Variants in MRPS35 observed in about 807,000 individuals in gnomAD.
The protein encoded by MRPS35 is mitochondrial ribosomal protein S35.
A neutral mutation model predicts 32.7 loss-of-function variants in MRPS35; 29 were observed. The ratio of observed to expected loss-of-function variants is 0.89; its 90% confidence interval spans 0.66 to 1.21. MRPS35 has a LOEUF of 1.21. Among genes scored for constraint, MRPS35 ranks in the 50% most tolerant of loss-of-function variants. The pLI is 0.00. For synonymous variants in MRPS35, 148 were observed against 139.3 expected (o/e 1.06, Z -0.44); for missense variants, 373 against 383.8 (o/e 0.97, Z 0.23).
intron 7 of MRPS35, among the ~76,000 whole-genome samples, chr12:27,746,428 G>A (rs1029523623): frequency 1.3e-5 from 2 of 152,038 alleles, no homozygotes; most frequent in African/African-American, 2.4e-5. Context: ...TTAAAATATC[G>A]AAATCTGAAA....
intron 4 of MRPS35, among the ~76,000 whole-genome samples, chr12:27,721,417 G>C (rs2061874554): frequency 6.6e-6 from 1 of 152,142 alleles, no homozygotes; most frequent in Non-Finnish European, 1.5e-5. Flanking sequence ...TCGCACTTTG[G>C]GAGTCTGAGG....
intron 5 of MRPS35, among the ~76,000 whole-genome samples, chr12:27,734,390 G>A (rs970871815): frequency 1.3e-5 from 2 of 151,890 alleles, no homozygotes; most frequent in African/African-American, 4.8e-5. Context: ...TTACAGGTAT[G>A]CGCCACCACA....
intron 1 of MRPS35, among the ~76,000 whole-genome samples, chr12:27,711,307 C>G (rs1207158218): frequency 6.6e-6 from 1 of 152,196 alleles, no homozygotes; most frequent in Non-Finnish European, 1.5e-5. Context: ...ATGGATTTCC[C>G]CAAACATTAA....
intron 7 of MRPS35, among the ~76,000 whole-genome samples, chr12:27,746,168 T>A (rs754109291): frequency 6.6e-6 from 1 of 152,206 alleles, no homozygotes; most frequent in Non-Finnish European, 1.5e-5. Context: ...ATTCTGGTGC[T>A]GAGCTCTGAT....
At chr12:27,748,892 C>T (rs1041256710) in intron 7 of MRPS35, among the ~76,000 whole-genome samples, 3 of 152,102 alleles carry the variant, frequency 2.0e-5, no homozygotes, top group African/African-American at 7.2e-5. Flanking sequence ...TGGTGGTACC[C>T]GTCTCTAATT....
chr12:27,755,251 C>T lies in MRPS35; in HGVS notation c.773C>T (p.Ser258Leu). 6.2e-7 allele frequency: 1 copy of T among 1,610,692 alleles called. No homozygotes were observed. The highest frequency in any genetic ancestry group is 8.5e-7 in the Non-Finnish European group (1 of 1,179,368). The change falls in exon 8 of 8, where the codon TCA becomes TTA. Residue 258 changes from serine (S) to leucine (L), a missense_variant. By Grantham distance (145) the Ser-to-Leu change is moderately radical. Transcript: ENST00000081029. ...GAGTATATATGGGAAAATAGCTCATCAGAAAGAAATATCCTGGAAACGCTT... is the reference window on the plus strand; with the variant it reads ...GAGTATATATGGGAAAATAGCTCATTAGAAAGAAATATCCTGGAAACGCTT... ...MEEYIWENSS[S>L]ERNILETLLQ...
At chr12:27,730,310 C>A (rs1305431848) in intron 5 of MRPS35, among the ~76,000 whole-genome samples, 1 of 152,032 alleles carries the variant, frequency 6.6e-6, no homozygotes, top group African/African-American at 2.4e-5. Flanking sequence ...TTTTTGATGA[C>A]CTTAACAGTT....
At chr12:27,719,053 C>T (rs1001204858) in intron 3 of MRPS35, among the ~76,000 whole-genome samples, 3 of 152,072 alleles carry the variant, frequency 2.0e-5, no homozygotes, top group Admixed American at 6.5e-5. Context: ...TGCCACTGCA[C>T]TCCAGCCTGG....
chr12:27,711,248 A>G (rs1046478542), intron 1 of MRPS35, among the ~76,000 whole-genome samples: 5 of 152,154 alleles, frequency 3.3e-5, no homozygotes, highest in African/African-American at 4.8e-5. Flanking sequence ...AGCCCCTGGC[A>G]CAGGTTACTG....
chr12:27,729,448 C>A (rs765173659), intron 5 of MRPS35, among the ~76,000 whole-genome samples: 6 of 152,108 alleles, frequency 3.9e-5, no homozygotes, highest in Middle Eastern at 3.4e-3. Flanking sequence ...TTGTCTTTTG[C>A]ATTAGATAAA....
intron 7 of MRPS35, among the ~76,000 whole-genome samples, chr12:27,742,437 A>G (rs33910089): frequency 0.2 from 30,230 of 152,166 alleles, 3,297 homozygotes; most frequent in African/African-American, 0.3. Context: ...TTATAATATA[A>G]TCTGTTGAGC....
chr12:27,754,481 G>T (rs893255160), intron 7 of MRPS35, among the ~76,000 whole-genome samples: 1 of 151,968 alleles, frequency 6.6e-6, no homozygotes, highest in Non-Finnish European at 1.5e-5. Flanking sequence ...AATGCAAAAT[G>T]TTGGGCCAGG....
At chr12:27,736,198 G>C (rs1419898564) in intron 6 of MRPS35, among the ~76,000 whole-genome samples, 4 of 152,202 alleles carry the variant, frequency 2.6e-5, no homozygotes, top group Non-Finnish European at 5.9e-5. Flanking sequence ...CCGATCTGCT[G>C]TCTTCCTGCT....
At chr12:27,746,604 G>T (rs939795033) in intron 7 of MRPS35, among the ~76,000 whole-genome samples, 3 of 152,114 alleles carry the variant, frequency 2.0e-5, no homozygotes, top group African/African-American at 7.2e-5. Flanking sequence ...TAGACAATAG[G>T]CAGTGTTCTA....
intron 5 of MRPS35, among the ~76,000 whole-genome samples, chr12:27,731,925 A>G (rs992413545): frequency 6.6e-6 from 1 of 152,158 alleles, no homozygotes; most frequent in African/African-American, 2.4e-5. Flanking sequence ...ATTTTGTAGA[A>G]CAGTTTAAAT....
At chr12:27,743,158 G>A (rs576909177) in intron 7 of MRPS35, among the ~76,000 whole-genome samples, 74 of 152,016 alleles carry the variant, frequency 4.9e-4, no homozygotes, top group African/African-American at 1.6e-3. Context: ...ACCACATCCA[G>A]CCCCCTCTCA....
chr12:27,731,738 T>G (rs528896313), intron 5 of MRPS35, among the ~76,000 whole-genome samples: 1 of 152,210 alleles, frequency 6.6e-6, no homozygotes, highest in South Asian at 2.1e-4. Flanking sequence ...CCAGCTAATT[T>G]TTGTATTTTT....
At position 27,710,940 on chromosome 12, in the gene MRPS35, C is replaced by T. The variant is rs1473849844; in HGVS notation, c.97C>T (p.Pro33Ser). ...TGCCGTCTACTCGGCCACTCCGGTC[C>T]CGACACCTAGCCTGCGTGAGTGTCT... ...STAVYSATPV[P>S]TPSLPERTPG... The change falls in exon 1 of 8, where the codon CCG becomes TCG. Residue 33 changes from proline (P) to serine (S), a missense_variant. Physicochemically the swap from Pro to Ser is moderately conservative, Grantham distance 74. Transcript: ENST00000081029. 2 of 1,613,102 alleles carry T rather than the reference C, an allele frequency of 1.2e-6. No homozygotes were observed. Among genetic ancestry groups the T allele is most frequent in the Non-Finnish European group, 1.7e-6 (2 of 1,179,804 alleles).
chr12:27,748,461 G>GTGTT (rs1440430935), intron 7 of MRPS35, among the ~76,000 whole-genome samples: 1 of 151,660 alleles, frequency 6.6e-6, no homozygotes, highest in African/African-American at 2.4e-5. Context: ...GTGTGTGTGT[G>GTGTT]TGTGTGTGTG....
Sources: gnomAD v4.1 joint callset for allele counts (sites outside exome capture counted in the v4.1 genomes callset) on GRCh38, gnomAD v4.1.1 for gene constraint, MANE v1.5 for transcripts, NCBI Gene and HGNC (gene_info 2026-07-23, HGNC 2026-07-21) for gene names.